WDR47: variants seen among roughly 807,000 people sequenced by gnomAD.
The protein encoded by WDR47 is WD repeat domain 47.
WDR47 carries 32 observed loss-of-function variants against 97.2 expected under a neutral mutation model. The ratio of observed to expected loss-of-function variants is 0.33; its 90% confidence interval spans 0.25 to 0.44. WDR47 has a LOEUF of 0.44. WDR47 is among the 20% of genes least tolerant of loss of function. The pLI is 1.00. For synonymous variants in WDR47, 375 were observed against 373.5 expected, an observed-to-expected ratio of 1.00 and a Z score of -0.05; for missense variants, 782 against 1,102.3, an observed-to-expected ratio of 0.71 and a Z score of 4.11.
chr1:109,031,776 A>G (rs1276742876), intron 1 of WDR47, among the ~76,000 whole-genome samples: 1 of 128,056 alleles, frequency 7.8e-6, no homozygotes, highest in Non-Finnish European at 1.7e-5. Flanking sequence ...TGATTTGAAT[A>G]TCATTTCAAT....
rs1166660308 is a variant in WDR47 at position 109,023,432 on chromosome 1, A to T, written c.81T>A (p.Leu27=). 1 of 1,613,856 alleles carries T rather than the reference A, an allele frequency of 6.2e-7. No individual in the cohort carries two copies. The highest frequency in any genetic ancestry group is 1.1e-5 in the South Asian group (1 of 91,070). ...LILDFLNSKK[L]HISMLALEKE... ...TCTCCAGGGCCAGCATACTAATGTG[A>T]AGCTTCTTTGAATTCAGGAAGTCCA... Residue 27 remains leucine (L), a synonymous_variant, in exon 2 of 15, where the codon CTT becomes CTA. Coordinates refer to ENST00000369962, the MANE Select transcript of WDR47 (RefSeq NM_001142551.2).
intron 6 of WDR47, among the ~76,000 whole-genome samples, chr1:109,003,876 C>G (rs1660385769): frequency 6.6e-6 from 1 of 152,052 alleles, no homozygotes; most frequent in Non-Finnish European, 1.5e-5. Context: ...AATCTAGAAC[C>G]CTGGATTTGG....
chr1:109,034,050 A>C (rs979197712), intron 1 of WDR47, among the ~76,000 whole-genome samples: 1 of 152,258 alleles, frequency 6.6e-6, no homozygotes, highest in Non-Finnish European at 1.5e-5. Context: ...GTATTTTGGG[A>C]GGCCGAAGTG....
intron 8 of WDR47, among the ~76,000 whole-genome samples, chr1:108,994,494 A>G (rs1418301109): frequency 6.6e-6 from 1 of 152,206 alleles, no homozygotes; most frequent in African/African-American, 2.4e-5. Context: ...CTGTAATCCC[A>G]GGACTTTGGG....
At chr1:109,025,384 T>C (rs1298096194) in intron 1 of WDR47, among the ~76,000 whole-genome samples, 1 of 141,036 alleles carries the variant, frequency 7.1e-6, no homozygotes, top group East Asian at 2.1e-4. Context: ...TGAGCGGTGA[T>C]CATACCACTG....
At chr1:109,024,269 T>C (rs530933262) in intron 1 of WDR47, among the ~76,000 whole-genome samples, 2 of 152,182 alleles carry the variant, frequency 1.3e-5, no homozygotes, top group Non-Finnish European at 2.9e-5. Flanking sequence ...CTGGGAACCA[T>C]GGCAAAACCA....
At chr1:108,991,529 T>G (rs2101859470) in intron 8 of WDR47, among the ~76,000 whole-genome samples, 200 bp from the exon 9 acceptor site, 1 of 152,304 alleles carries the variant, frequency 6.6e-6, no homozygotes, top group East Asian at 1.9e-4. Flanking sequence ...TGAAAAGCCA[T>G]TCTGGAAAGA....
At chr1:109,010,331 A>ATGAT (rs1660946280) in intron 5 of WDR47, among the ~76,000 whole-genome samples, 1 of 152,174 alleles carries the variant, frequency 6.6e-6, no homozygotes, top group African/African-American at 2.4e-5. Flanking sequence ...CCAAGGCAGG[A>ATGAT]TGATTGCTTC....
At chr1:108,979,542 A>AG (rs1658184132) in intron 13 of WDR47, among the ~76,000 whole-genome samples, 1 of 151,798 alleles carries the variant, frequency 6.6e-6, no homozygotes, top group African/African-American at 2.4e-5. Context: ...AACAAAACAA[A>AG]AAAACAAAAC....
intron 6 of WDR47, 46 bp from the exon 7 acceptor site, chr1:109,002,448 C>T: frequency 1.4e-6 from 2 of 1,387,960 alleles, no homozygotes; most frequent in Non-Finnish European, 1.9e-6. Flanking sequence ...CAAACTATGA[C>T]AGAATATATC....
At chr1:109,039,794 G>T (rs997950189) in intron 1 of WDR47, among the ~76,000 whole-genome samples, 4 of 151,958 alleles carry the variant, frequency 2.6e-5, no homozygotes, top group African/African-American at 7.2e-5. Flanking sequence ...TCCCAACATT[G>T]CGAGCCCAAG....
At chr1:109,005,014 A>G (rs1660489618) in intron 5 of WDR47, among the ~76,000 whole-genome samples, 1 of 151,812 alleles carries the variant, frequency 6.6e-6, no homozygotes, top group Non-Finnish European at 1.5e-5. Context: ...CTGGTCTCAA[A>G]CTCCTGACCT....
chr1:109,023,218 A>G (rs1661975895), intron 2 of WDR47, 137 bp downstream of exon 2: 2 of 849,486 alleles, frequency 2.4e-6, no homozygotes, highest in South Asian at 1.0e-4. Flanking sequence ...ATAAAATAAA[A>G]TAAAATATTT....
rs1001285809 is a variant in WDR47 at position 109,030,100 on chromosome 1, CAGAAGAAG to C, written c.-9-6587_-9-6580del. Reference sequence around the variant, plus strand: ...GCAAAAGATCTCCTTCATCCCTCCCCAGAAGAAGAGAAGAAGAAACACAAGAAGAAACG... The same window carrying C: ...GCAAAAGATCTCCTTCATCCCTCCCCAGAAGAAGAAACACAAGAAGAAACG... On this transcript the variant is annotated intron_variant, in intron 1 of 14. Transcript: ENST00000369962. 21 of 980,158 alleles carry C rather than the reference CAGAAGAAG, an allele frequency of 2.1e-5. No homozygotes were observed. In the African/African-American group the frequency reaches 3.3e-4, roughly 15 times the overall value. 60.7% of individuals were successfully genotyped at this position (980,158 alleles called of 1,614,324 possible). A position where few individuals can be genotyped will look rare whatever the true frequency, so the allele number is the denominator to read the frequency against.
At chr1:109,034,822 T>C (rs568849704) in intron 1 of WDR47, among the ~76,000 whole-genome samples, 1 of 152,324 alleles carries the variant, frequency 6.6e-6, no homozygotes, top group South Asian at 2.1e-4. Context: ...CACAGTGACG[T>C]ATATCTATAT....
chr1:108,996,412 T>C (rs1014709475), intron 7 of WDR47, among the ~76,000 whole-genome samples: 10 of 152,204 alleles, frequency 6.6e-5, no homozygotes, highest in Admixed American at 5.2e-4. Context: ...AAATTCTTTT[T>C]CTTCCCCAAT....
chr1:109,006,500 A>G (rs551903821), intron 5 of WDR47, among the ~76,000 whole-genome samples: 2 of 152,356 alleles, frequency 1.3e-5, no homozygotes, highest in South Asian at 4.1e-4. Flanking sequence ...TGTAAGAGCT[A>G]TTAACTGTAT....
intron 8 of WDR47, among the ~76,000 whole-genome samples, chr1:108,994,988 C>G (rs898002219): frequency 6.6e-6 from 1 of 152,128 alleles, no homozygotes; most frequent in African/African-American, 2.4e-5. Flanking sequence ...CTGGGAATCT[C>G]ATCTTATACA....
rs763237803 is a variant in WDR47 at position 108,971,422 on chromosome 1, G to A, written c.*8C>T. On this transcript the variant is annotated 3_prime_UTR_variant, in exon 15 of 15. Transcript: ENST00000369962. ...GCTTTTGCTGCATAGACTGACATGC[G>A]GTGTGCTCTACCCATTGTAAGTCCA... The A allele has an allele frequency of 1.2e-6, 2 of 1,613,732 alleles. No homozygotes were observed. Among genetic ancestry groups the A allele is most frequent in the African/African-American group, 1.3e-5 (1 of 74,872 alleles).
Sources: allele counts gnomAD v4.1 joint callset (sites outside exome capture counted in the v4.1 genomes callset), GRCh38; gene constraint gnomAD v4.1.1; transcripts MANE v1.5; gene names NCBI Gene and HGNC (gene_info 2026-07-23, HGNC 2026-07-21).